ERC2: variants seen among roughly 807,000 people sequenced by gnomAD.
ERC2 encodes the protein ELKS/RAB6-interacting/CAST family member 2, also known as ERC protein 2.
ERC2 carries 42 observed loss-of-function variants against 114.8 expected under a neutral mutation model. That is an observed-to-expected ratio of 0.37 (90% CI 0.29 to 0.47). The LOEUF (loss-of-function observed/expected upper bound fraction) is 0.47, where lower values mean the gene tolerates loss of function less well. Ranked by LOEUF, ERC2 falls within the 20% of genes least tolerant of loss-of-function variation. The pLI is 0.99. For synonymous variants in ERC2, 454 were observed against 425.5 expected, an observed-to-expected ratio of 1.07 and a Z score of -0.82; for missense variants, 939 against 1,150.7, an observed-to-expected ratio of 0.82 and a Z score of 2.66.
intron 16 of ERC2, among the ~76,000 whole-genome samples, chr3:55,686,983 G>C (rs575954432): frequency 6.6e-6 from 1 of 152,314 alleles, no homozygotes; most frequent in South Asian, 2.1e-4. Flanking sequence ...AATTCTGAAG[G>C]GGAGGAGGTT....
intron 14 of ERC2, among the ~76,000 whole-genome samples, chr3:55,877,788 C>T (rs2062932169): frequency 6.6e-6 from 1 of 152,158 alleles, no homozygotes; most frequent in African/African-American, 2.4e-5. Context: ...GCTGAGATTA[C>T]ATAAATAATT....
intron 6 of ERC2, among the ~76,000 whole-genome samples, chr3:56,119,157 C>G (rs2079431337): frequency 6.6e-6 from 1 of 152,188 alleles, no homozygotes. Context: ...TCCTGCAGGC[C>G]ATAGTTTGTT....
intron 14 of ERC2, among the ~76,000 whole-genome samples, chr3:55,760,675 GAATCT>G (rs2067370248): frequency 6.6e-6 from 1 of 152,222 alleles, no homozygotes; most frequent in Non-Finnish European, 1.5e-5. Flanking sequence ...ACTTATCACT[GAATCT>G]GGCTTTCCAC....
At chr3:55,553,641 G>T (rs531601267) in intron 17 of ERC2, among the ~76,000 whole-genome samples, 1 of 152,020 alleles carries the variant, frequency 6.6e-6, no homozygotes, top group East Asian at 1.9e-4. Context: ...TTAGCTGGGC[G>T]TAGTGGCGGG....
At chr3:55,560,853 C>A (rs2055966258) in intron 17 of ERC2, among the ~76,000 whole-genome samples, 2 of 152,180 alleles carry the variant, frequency 1.3e-5, no homozygotes, top group Non-Finnish European at 2.9e-5. Context: ...CAAAGGGGAA[C>A]TAAATGATCA....
chr3:56,335,486 GA>G (rs2057807762), intron 2 of ERC2, among the ~76,000 whole-genome samples: 2 of 152,176 alleles, frequency 1.3e-5, no homozygotes, highest in Admixed American at 6.5e-5. Context: ...GGTGAGTTCT[GA>G]TAAGTAGCAA....
intron 2 of ERC2, among the ~76,000 whole-genome samples, chr3:56,308,033 T>C (rs2056334764): frequency 6.6e-6 from 1 of 152,130 alleles, no homozygotes; most frequent in East Asian, 1.9e-4. Flanking sequence ...GGGCTGGGGG[T>C]GCAGAGAGTT....
intron 3 of ERC2, among the ~76,000 whole-genome samples, chr3:56,224,856 A>G (rs1041674773): frequency 2.6e-5 from 4 of 152,214 alleles, no homozygotes; most frequent in Non-Finnish European, 5.9e-5. Context: ...ATTATGAGCC[A>G]GGAACATGCT....
intron 17 of ERC2, chr3:55,607,039 G>C (rs2058668980): frequency 6.6e-6 from 1 of 152,512 alleles, no homozygotes; most frequent in South Asian, 2.1e-4. Context: ...GGGAAACCAG[G>C]ACAGCACATA....
intron 3 of ERC2, among the ~76,000 whole-genome samples, chr3:56,239,468 T>C (rs1327533241): frequency 6.6e-6 from 1 of 151,980 alleles, no homozygotes; most frequent in Admixed American, 6.6e-5. Flanking sequence ...ATCCCACCAC[T>C]GCACTCCAGC....
intron 13 of ERC2, among the ~76,000 whole-genome samples, chr3:55,920,329 C>T (rs1432421527): frequency 6.6e-6 from 1 of 151,842 alleles, no homozygotes; most frequent in Non-Finnish European, 1.5e-5. Context: ...TTTAAAAAGG[C>T]ACTAAACGAA....
At chr3:55,870,967 T>TA (rs375592264) in intron 14 of ERC2, among the ~76,000 whole-genome samples, 35 of 152,334 alleles carry the variant, frequency 2.3e-4, no homozygotes, top group Non-Finnish European at 3.5e-4. Context: ...ACCCAGCTGT[T>TA]ACGGCATTTT....
intron 2 of ERC2, among the ~76,000 whole-genome samples, chr3:56,385,255 T>C (rs1021036954): frequency 2.6e-5 from 4 of 152,174 alleles, no homozygotes; most frequent in Admixed American, 1.3e-4. Context: ...TTTTGGTTCA[T>C]ACATGGTGAC....
At chr3:56,173,862 C>A in intron 3 of ERC2, 1 of 210,874 alleles carries the variant, frequency 4.7e-6, no homozygotes, top group Non-Finnish European at 9.3e-6. Context: ...CTCTGTGCTC[C>A]CAATACAAAC....
chr3:56,260,983 C>T (rs1342895453), intron 3 of ERC2, among the ~76,000 whole-genome samples: 1 of 152,196 alleles, frequency 6.6e-6, no homozygotes, highest in Non-Finnish European at 1.5e-5. Context: ...AATTCAGTTC[C>T]TTGGTTGCAC....
intron 2 of ERC2, among the ~76,000 whole-genome samples, chr3:56,381,843 C>A (rs572146484): frequency 6.6e-6 from 1 of 152,146 alleles, no homozygotes; most frequent in South Asian, 2.1e-4. Flanking sequence ...TCTGTATATC[C>A]CAGAATCTGA....
chr3:55,811,715 G>A (rs962944359), intron 14 of ERC2, among the ~76,000 whole-genome samples: 1 of 152,026 alleles, frequency 6.6e-6, no homozygotes, highest in African/African-American at 2.4e-5. Context: ...GCTTCCTCCA[G>A]CAACCTTTCT....
intron 14 of ERC2, among the ~76,000 whole-genome samples, chr3:55,805,605 T>C (rs1249452691): frequency 6.6e-6 from 1 of 151,776 alleles, no homozygotes; most frequent in Non-Finnish European, 1.5e-5. Flanking sequence ...CAGGAAAAAA[T>C]TGTGACATTT....
Position 55,828,306 on chromosome 3 carries a change from G to A in ERC2, c.2564+60083C>T, listed in dbSNP as rs560480603. 5.3e-5 allele frequency among the ~76,000 whole-genome samples: 8 copies of A among 152,308 alleles called. No individual in the cohort carries two copies. In the East Asian group the frequency reaches 1.2e-3, roughly 22 times the overall value. ...AGGCTCCAAAAGTGATGTGCCAGGAGCAACCACAAAATAAAAATTCCTGGG... is the reference window on the plus strand; with the variant it reads ...AGGCTCCAAAAGTGATGTGCCAGGAACAACCACAAAATAAAAATTCCTGGG... On this transcript the variant is annotated intron_variant, in intron 14 of 17. Coordinates refer to ENST00000288221, the MANE Select transcript of ERC2 (RefSeq NM_015576.3).
Sources: allele counts gnomAD v4.1 joint callset (sites outside exome capture counted in the v4.1 genomes callset), GRCh38; gene constraint gnomAD v4.1.1; transcripts MANE v1.5; gene names NCBI Gene and HGNC (gene_info 2026-07-23, HGNC 2026-07-21).